Variants in WDR64 observed in about 807,000 individuals in gnomAD.
The protein encoded by WDR64 is WD repeat domain 64.
In WDR64, 112 loss-of-function variants were observed where a neutral mutation model predicts 139.3. That is an observed-to-expected ratio of 0.80 (90% confidence interval 0.69 to 0.94). The LOEUF (loss-of-function observed/expected upper bound fraction) is 0.94, where lower values mean the gene tolerates loss of function less well. WDR64 is among the 40% of genes least tolerant of loss of function. The pLI, the probability that WDR64 is intolerant of heterozygous loss-of-function variation, is 0.00. For synonymous variants in WDR64, 444 were observed against 437.7 expected (o/e 1.01, Z -0.18); for missense variants, 1,206 against 1,293.1 (o/e 0.93, Z 1.03).
At position 241,711,897 on chromosome 1, in the gene WDR64, A is replaced by G. The variant is rs775692499; in HGVS notation, c.1054+16A>G. The G allele has an allele frequency of 1.9e-6, 3 of 1,613,616 alleles. No homozygotes were observed. Among genetic ancestry groups the G allele is most frequent in the Non-Finnish European group, 2.5e-6 (3 of 1,179,572 alleles). Reference sequence around the variant, plus strand: ...GTCACTGGAGGTGAGAGGGCGGTTCACATTACATAGGGGTTTTCTACTTTG... The same window carrying G: ...GTCACTGGAGGTGAGAGGGCGGTTCGCATTACATAGGGGTTTTCTACTTTG... On this transcript the variant is annotated intron_variant, in intron 9 of 27. Transcript: ENST00000437684.
intron 9 of WDR64, among the ~76,000 whole-genome samples, chr1:241,712,307 A>G (rs989457383): frequency 6.6e-6 from 1 of 152,202 alleles, no homozygotes; most frequent in Non-Finnish European, 1.5e-5. Flanking sequence ...AAAGGTCAAG[A>G]GCCAATGGTT....
rs1553359777 is a variant in WDR64, at chr1:241,656,870, T to TTA, written c.146-3659_146-3658insAT. Among the ~76,000 whole-genome samples the TTA allele has an allele frequency of 2.3e-5, 2 of 86,644 alleles. No homozygotes were observed. Among genetic ancestry groups the TTA allele is most frequent in the African/African-American group, 4.5e-5 (1 of 22,422 alleles). 56.8% of individuals were successfully genotyped at this position (86,644 alleles called of 152,430 possible). A position where few individuals can be genotyped will look rare whatever the true frequency, so the allele number is the denominator to read the frequency against. On this transcript the variant is annotated intron_variant, in intron 1 of 27. Transcript: ENST00000437684. This position sits in a 1 kb window ranked among gnomAD's most constrained non-coding sequence, Gnocchi z 4.3. ...AAATGTCTCAAGTCTTTGCCAAATG[T>TTA]TGTGTGTGTGTGTGTGTGTGTGTGT...
In WDR64 at chr1:241,784,953, G is replaced by GGAAAAAAAA. The variant is rs766802128; in HGVS notation, c.2705+1572_2705+1573insGAAAAAAAA. On this transcript the variant is annotated intron_variant, in intron 23 of 27. Coordinates refer to ENST00000437684, the MANE Select transcript of WDR64 (RefSeq NM_001367482.1). ...TGGGCGACAGAGTGAGACTCTGTCT[G>GGAAAAAAAA]AAAAAAAAAAAAAAAAAAAAAAAGA... 1.3e-3 allele frequency among the ~76,000 whole-genome samples: 81 copies of GGAAAAAAAA among 62,248 alleles called. 6 individuals carry two copies. Among genetic ancestry groups the GGAAAAAAAA allele is most frequent in the East Asian group, 2.4e-3 (4 of 1,646 alleles). 40.8% of individuals were successfully genotyped at this position (62,248 alleles called of 152,430 possible).
Position 241,710,965 on chromosome 1 carries a change from C to T in WDR64, c.975-837C>T, listed in dbSNP as rs775932626. On this transcript the variant is annotated intron_variant, in intron 8 of 27. Transcript: ENST00000437684. Reference sequence around the variant, plus strand: ...GGCAATAGTGGAAGCAGGCCAGGCGCGTGGCTCACGCCTGTAGTCCCTGCA... The same window carrying T: ...GGCAATAGTGGAAGCAGGCCAGGCGTGTGGCTCACGCCTGTAGTCCCTGCA... Among the ~76,000 whole-genome samples, 88 of 152,224 alleles carry T rather than the reference C, an allele frequency of 5.8e-4. 1 individual carries two copies. Among genetic ancestry groups the T allele is most frequent in the Non-Finnish European group, 9.3e-4 (63 of 68,018 alleles).
chr1:241,738,263 T>G (rs1669399411), intron 10 of WDR64, 100 bp from the exon 11 acceptor site: 1 of 1,424,692 alleles, frequency 7.0e-7, no homozygotes, highest in Admixed American at 2.2e-5. Flanking sequence ...TTGGTATAAG[T>G]TTATAAGAGT....
intron 21 of WDR64, among the ~76,000 whole-genome samples, chr1:241,776,635 C>A (rs891306726): frequency 1.3e-5 from 2 of 152,160 alleles, no homozygotes; most frequent in Admixed American, 1.3e-4. Context: ...TTTATATAGA[C>A]ACTAATTCTT....
At chr1:241,670,226 C>T (rs1000673453) in intron 2 of WDR64, among the ~76,000 whole-genome samples, 3 of 152,008 alleles carry the variant, frequency 2.0e-5, no homozygotes, top group African/African-American at 7.2e-5. Flanking sequence ...TCTTTTCTTC[C>T]TCACAATTTT....
At chr1:241,672,517 C>A (rs1573993930) in intron 3 of WDR64, among the ~76,000 whole-genome samples, 1 of 152,298 alleles carries the variant, frequency 6.6e-6, no homozygotes, top group South Asian at 2.1e-4. Flanking sequence ...AGGCCAGACA[C>A]CTTTCTAAAT....
intron 13 of WDR64, among the ~76,000 whole-genome samples, chr1:241,746,761 C>CTTTTTT (rs34375079): frequency 7.0e-6 from 1 of 142,064 alleles, no homozygotes; most frequent in African/African-American, 2.6e-5. Flanking sequence ...CATTTCAGTT[C>CTTTTTT]TTTTTTTTTT....
chr1:241,730,631 C>T (rs1669040858), intron 10 of WDR64, among the ~76,000 whole-genome samples: 2 of 152,118 alleles, frequency 1.3e-5, no homozygotes, highest in African/African-American at 4.8e-5. Flanking sequence ...TGTTTCTTGG[C>T]TGGTAAACTG....
chr1:241,757,477 GTTTCTT>G lies in WDR64; in HGVS notation c.1947+22_1947+27del. Reference sequence around the variant, plus strand: ...CTACTGATGTAAGTTTCCTCTCTTGGTTTCTTTTTAACTTTTGCTTTTTGTTATGGA... The same window carrying G: ...CTACTGATGTAAGTTTCCTCTCTTGGTTTAACTTTTGCTTTTTGTTATGGA... On this transcript the variant is annotated intron_variant, in intron 15 of 27. Coordinates refer to ENST00000437684, the MANE Select transcript of WDR64 (RefSeq NM_001367482.1). The G allele has an allele frequency of 6.3e-7, 1 of 1,584,094 alleles. No individual in the cohort carries two copies. The highest frequency in any genetic ancestry group is 8.6e-7 in the Non-Finnish European group (1 of 1,166,494).
chr1:241,714,627 A>G lies in WDR64; in HGVS notation c.1054+2746A>G, dbSNP rs558128073. 1.8e-3 allele frequency among the ~76,000 whole-genome samples: 267 copies of G among 152,302 alleles called. 3 individuals are homozygous for G. Among genetic ancestry groups the G allele is most frequent in the Non-Finnish European group, 6.8e-4 (46 of 68,026 alleles). On this transcript the variant is annotated intron_variant, in intron 9 of 27. Transcript: ENST00000437684. Reference sequence around the variant, plus strand: ...CAAGTACACTGTGCATTCAAAATTTATATTTAAATCTATGCTCAGCTCTGG... The same window carrying G: ...CAAGTACACTGTGCATTCAAAATTTGTATTTAAATCTATGCTCAGCTCTGG...
At chr1:241,737,063 AC>A (rs1277616792) in intron 10 of WDR64, among the ~76,000 whole-genome samples, 1 of 152,208 alleles carries the variant, frequency 6.6e-6, no homozygotes, top group Non-Finnish European at 1.5e-5. Context: ...CTCTTCCTCT[AC>A]TTGTCTCTCA....
chr1:241,684,054 A>G (rs1166853808), intron 7 of WDR64, among the ~76,000 whole-genome samples: 1 of 152,236 alleles, frequency 6.6e-6, no homozygotes, highest in Non-Finnish European at 1.5e-5. Flanking sequence ...GTGACTAGTT[A>G]CTAGCACTTG....
At chr1:241,713,046 C>T (rs1398655842) in intron 9 of WDR64, among the ~76,000 whole-genome samples, 1 of 151,578 alleles carries the variant, frequency 6.6e-6, no homozygotes. Flanking sequence ...GTGGCTCGCA[C>T]CAATAATCCC....
rs183808933 is a variant in WDR64 at position 241,761,716 on chromosome 1, C to T, written c.1947+4257C>T. Among the ~76,000 whole-genome samples, 740 of 152,202 alleles carry T rather than the reference C, an allele frequency of 4.9e-3. 4 individuals carry two copies. Among genetic ancestry groups the T allele is most frequent in the African/African-American group, 0.017 (707 of 41,548 alleles). On this transcript the variant is annotated intron_variant, in intron 15 of 27. Transcript: ENST00000437684. ...TTAATTCTCTTAAACCCTGCCTCTG[C>T]CCAATCATCTAAGTTTAGGTAATAT... is the stretch of plus-strand genomic sequence containing the variant.
At chr1:241,690,283 C>T (rs1050434741) in intron 8 of WDR64, among the ~76,000 whole-genome samples, 5 of 151,892 alleles carry the variant, frequency 3.3e-5, no homozygotes, top group Non-Finnish European at 7.4e-5. Flanking sequence ...TCAGCCTGAC[C>T]AACATGGTAA....
intron 10 of WDR64, among the ~76,000 whole-genome samples, chr1:241,733,342 G>A (rs925447100): frequency 2.0e-5 from 3 of 152,080 alleles, no homozygotes; most frequent in Admixed American, 2.0e-4. Context: ...GGGTGTGGTG[G>A]CAGGTGCCTG....
chr1:241,754,678 G>A (rs1174256987), intron 14 of WDR64, among the ~76,000 whole-genome samples: 4 of 151,940 alleles, frequency 2.6e-5, no homozygotes, highest in Non-Finnish European at 5.9e-5. Flanking sequence ...CCATCAACCC[G>A]TCATCTACAT....
Sources: gnomAD v4.1 joint callset for allele counts (sites outside exome capture counted in the v4.1 genomes callset) on GRCh38, gnomAD v4.1.1 for gene constraint, Gnocchi (gnomAD v3.1) non-coding constraint, MANE v1.5 for transcripts, NCBI Gene and HGNC (gene_info 2026-07-23, HGNC 2026-07-21) for gene names.